Variants in ZNF208 observed in about 807,000 individuals in gnomAD.
ZNF208 encodes the protein zinc finger protein 95.
In ZNF208, 10 loss-of-function variants were observed where a neutral mutation model predicts 12.1. That is an observed-to-expected ratio of 0.83 (90% CI 0.51 to 1.40). The LOEUF (loss-of-function observed/expected upper bound fraction) is 1.40, where lower values mean the gene tolerates loss of function less well. ZNF208 is among the 40% of genes most tolerant of loss of function. ZNF208 has a pLI of 0.00. For synonymous variants in ZNF208, 497 were observed against 488.4 expected, an observed-to-expected ratio of 1.02 and a Z score of -0.23; for missense variants, 1,652 against 1,485.0, an observed-to-expected ratio of 1.11 and a Z score of -1.85.
intron 4 of ZNF208, chr19:21,940,993 T>TGCG (rs1282398152): frequency 3.0e-4 from 60 of 196,844 alleles, no homozygotes; most frequent in Admixed American, 9.7e-4. Context: ...CTCCGGCTGC[T>TGCG]GCGGCGGTTC....
In ZNF208 at chr19:21,972,092, C is replaced by T. The variant is rs1033280436; in HGVS notation, c.2942G>A (p.Gly981Asp). 5 of 1,611,144 alleles carry T rather than the reference C, an allele frequency of 3.1e-6. No homozygotes were observed. Among genetic ancestry groups the T allele is most frequent in the Admixed American group, 1.7e-5 (1 of 59,614 alleles). ...AGTAAGGATTGAGAATGTACTAAAG[C>T]CTTTGCCACATTCTTCATATTTGTA... is the stretch of plus-strand genomic sequence containing the variant. ...KPYKYEECGK[G>D]FSTFSILTKH... The change falls in exon 4 of 4, where the codon GGC becomes GAC. Residue 981 changes from glycine (G) to aspartate (D), a missense_variant. Around this residue, in one of 3 missense-constraint regions of ZNF208, gnomAD observed 1,239 missense variants for 1,086.2 expected, o/e 1.14. Coordinates refer to ENST00000397126, the MANE Select transcript of ZNF208 (RefSeq NM_007153.3).
At chr19:21,997,258 A>G (rs1326631004) in intron 1 of ZNF208, among the ~76,000 whole-genome samples, 2 of 152,244 alleles carry the variant, frequency 1.3e-5, no homozygotes, top group African/African-American at 2.4e-5. Context: ...CATGTCATAC[A>G]TAGTTCATCC....
chr19:21,954,394 A>T (rs1282060563), intron 4 of ZNF208, among the ~76,000 whole-genome samples: 1 of 152,080 alleles, frequency 6.6e-6, no homozygotes, highest in Non-Finnish European at 1.5e-5. Flanking sequence ...ATCCTTGTTA[A>T]CTTTCTGTCT....
In ZNF208 at chr19:21,973,074, T is replaced by C. The variant is rs769833163; in HGVS notation, c.1960A>G (p.Thr654Ala). The C allele has an allele frequency of 1.9e-6, 3 of 1,613,062 alleles. No individual in the cohort carries two copies. Among genetic ancestry groups the C allele is most frequent in the Middle Eastern group, 1.6e-4 (1 of 6,082 alleles). ...TCTCCAGCATGAATTGCCTTATGTGTAGTAAGGGTTGAGACCTTAATAAAG... is the reference window on the plus strand; with the variant it reads ...TCTCCAGCATGAATTGCCTTATGTGCAGTAAGGGTTGAGACCTTAATAAAG... Reference protein sequence around the residue: ...KTFIKVSTLTTHKAIHAGEKP... With the variant: ...KTFIKVSTLTAHKAIHAGEKP... Residue 654 changes from threonine to alanine, a missense_variant, in exon 4 of 4, where the codon ACA becomes GCA. Transcript: ENST00000397126.
chr19:21,976,372 A>C (rs1156985080), intron 3 of ZNF208, among the ~76,000 whole-genome samples: 5 of 152,156 alleles, frequency 3.3e-5, no homozygotes, highest in Admixed American at 2.0e-4. Flanking sequence ...TACAGAAAAG[A>C]AAACTAAGAT....
downstream of ZNF208, among the ~76,000 whole-genome samples, chr19:21,965,204 C>G (rs111575850): frequency 6.6e-6 from 1 of 151,884 alleles, no homozygotes; most frequent in Non-Finnish European, 1.5e-5. Flanking sequence ...TATAATAAAT[C>G]AGAAACTATA....
chr19:21,968,448 TTA>T lies in ZNF208; in HGVS notation c.*2741_*2742del, dbSNP rs970924632. 1.9e-4 allele frequency: 29 copies of T among 152,092 alleles called. No individual in the cohort carries two copies. Among genetic ancestry groups the T allele is most frequent in the African/African-American group, 6.8e-4 (28 of 41,464 alleles). The allele number at this position is 152,092 out of a possible 1,614,324, so 9.4% of individuals were successfully genotyped here. ...TTGAATGCTTTTTCTGCCCCTACTG[TTA>T]TTTTTTTTTCTTTTAATTATCTTTA... is the stretch of plus-strand genomic sequence containing the variant. On this transcript the variant is annotated 3_prime_UTR_variant, in exon 4 of 4. Transcript: ENST00000397126.
chr19:21,956,463 C>A lies in ZNF208; in HGVS notation c.305+18266G>T, dbSNP rs1231398710. Among the ~76,000 whole-genome samples, 4 of 152,138 alleles carry A rather than the reference C, an allele frequency of 2.6e-5. No homozygotes were observed. In the East Asian group the frequency reaches 7.7e-4, roughly 29 times the overall value. The stretch of plus-strand genomic sequence containing the variant: ...GGAATCTACAGAGGCAGGCAGGCCT[C>A]CTTGAGCAGTGGTGGGCTCCACCCA... On this transcript the variant is annotated intron_variant, in intron 4 of 4. Transcript: ENST00000599916.
intron 1 of ZNF208, among the ~76,000 whole-genome samples, chr19:21,995,995 G>A (rs756801449): frequency 6.6e-6 from 1 of 152,148 alleles, no homozygotes; most frequent in Admixed American, 6.6e-5. Flanking sequence ...CCCAGCAGAG[G>A]CCAGGTCTTA....
chr19:21,987,119 T>A, intron 3 of ZNF208, 97 bp downstream of exon 3: 1 of 1,308,454 alleles, frequency 7.6e-7, no homozygotes, highest in Admixed American at 2.7e-5. Flanking sequence ...CAGAAACTAC[T>A]TCTTTTGGAA....
chr19:21,977,138 CGTGT>C (rs565635752), intron 3 of ZNF208, among the ~76,000 whole-genome samples: 4 of 152,052 alleles, frequency 2.6e-5, no homozygotes, highest in South Asian at 2.1e-4. Context: ...ACGTTGAATA[CGTGT>C]GTGTGTGTAT....
At chr19:21,999,667 A>G (rs753776982) in intron 1 of ZNF208, among the ~76,000 whole-genome samples, 1 of 152,134 alleles carries the variant, frequency 6.6e-6, no homozygotes, top group Non-Finnish European at 1.5e-5. Flanking sequence ...AAGACTAAAG[A>G]CAAAAAAAAA....
intron 1 of ZNF208, chr19:22,009,529 A>T (rs1338621468): frequency 6.6e-6 from 1 of 152,144 alleles, no homozygotes; most frequent in Non-Finnish European, 1.5e-5. Context: ...CAGGTGAATC[A>T]CTTGAAATCA....
chr19:21,966,651 A>G lies in ZNF208; in HGVS notation c.*4540T>C, dbSNP rs765385734. On this transcript the variant is annotated 3_prime_UTR_variant, in exon 4 of 4. Coordinates refer to ENST00000397126, the MANE Select transcript of ZNF208 (RefSeq NM_007153.3). ...AATCGGCTTGATTGGTCAAATGGCAATTCTATTTCTAGTTCTTTGAGAAGT... is the reference window on the plus strand; with the variant it reads ...AATCGGCTTGATTGGTCAAATGGCAGTTCTATTTCTAGTTCTTTGAGAAGT... 1 of 152,082 alleles carries G rather than the reference A, an allele frequency of 6.6e-6. No homozygotes were observed. The highest frequency in any genetic ancestry group is 6.6e-5 in the Admixed American group (1 of 15,240). The allele number at this position is 152,082 out of a possible 1,614,324, so 9.4% of individuals were successfully genotyped here.
intron 4 of ZNF208, among the ~76,000 whole-genome samples, chr19:21,956,958 CT>C: frequency 6.6e-6 from 1 of 152,236 alleles, no homozygotes; most frequent in Non-Finnish European, 1.5e-5. Flanking sequence ...ATTCAGACAT[CT>C]TGGGACTTCT....
intron 4 of ZNF208, among the ~76,000 whole-genome samples, chr19:21,959,370 A>T (rs1020317998): frequency 8.5e-5 from 13 of 152,158 alleles, no homozygotes; most frequent in African/African-American, 2.7e-4. Context: ...TACAATTACC[A>T]CATACTCACA....
intron 1 of ZNF208, among the ~76,000 whole-genome samples, chr19:22,005,340 C>T (rs1971026289): frequency 6.6e-6 from 1 of 152,094 alleles, no homozygotes; most frequent in Non-Finnish European, 1.5e-5. Context: ...CCTCTGTCAC[C>T]CTGGGAGGAG....
Position 21,974,620 on chromosome 19 carries a change from T to C in ZNF208, c.414A>G (p.Thr138=). 1 of 1,613,740 alleles carries C rather than the reference T, an allele frequency of 6.2e-7. No individual in the cohort carries two copies. The highest frequency in any genetic ancestry group is 8.5e-7 in the Non-Finnish European group (1 of 1,179,738). Residue 138 remains threonine, a synonymous_variant, in exon 4 of 4, where the codon ACA becomes ACG. Transcript: ENST00000397126. ...GTTGAAATACTTTGCTCTGTGTAGT[T>C]GTCAAACTCTGGTTAAGTTTATTAT... ...EGYNKLNQSL[T]TTQSKVFQRG...
chr19:22,007,384 G>A (rs1178718064), intron 1 of ZNF208, among the ~76,000 whole-genome samples: 1 of 151,462 alleles, frequency 6.6e-6, no homozygotes, highest in South Asian at 2.1e-4. Context: ...GCTGGGCGTG[G>A]TGGCGGGCTC....
Sources: allele counts gnomAD v4.1 joint callset (sites outside exome capture counted in the v4.1 genomes callset), GRCh38; gene constraint gnomAD v4.1.1; regional missense constraint gnomAD v4.1.1; transcripts MANE v1.5; gene names NCBI Gene and HGNC (gene_info 2026-07-23, HGNC 2026-07-21).